Variants in DMD observed in about 807,000 individuals in gnomAD.
DMD encodes the protein mutant dystrophin.
A neutral mutation model predicts 330.1 loss-of-function variants in DMD; 63 were observed. That is an observed-to-expected ratio of 0.19 (90% CI 0.16 to 0.24). DMD has a LOEUF of 0.24. DMD is among the 10% of genes least tolerant of loss of function. The pLI is 1.00. For missense variants in DMD, 3,344 were observed against 2,684.1 expected, an observed-to-expected ratio of 1.25 and a Z score of -5.43; for synonymous variants, 1,223 against 959.8, an observed-to-expected ratio of 1.27 and a Z score of -5.07.
chrX:31,750,046 T>C (rs1319284557), intron 51 of DMD, among the ~76,000 whole-genome samples: 8 of 110,619 alleles, frequency 7.2e-5, no homozygotes, highest in East Asian at 5.7e-4. Flanking sequence ...GGATATTAGC[T>C]CTTTGTCAGA....
chrX:33,336,141 T>C (rs2054250306), intron 1 of DMD, among the ~76,000 whole-genome samples: 1 of 110,782 alleles, frequency 9.0e-6, no homozygotes, highest in African/African-American at 3.3e-5. Flanking sequence ...ACAATCTAAT[T>C]ATGGACTTTC....
intron 32 of DMD, among the ~76,000 whole-genome samples, chrX:32,386,852 T>C (rs1394656664): frequency 9.1e-6 from 1 of 110,364 alleles, no homozygotes; most frequent in Non-Finnish European, 1.9e-5. Context: ...ATTAATTCAC[T>C]CCTACATCGG....
intron 62 of DMD, among the ~76,000 whole-genome samples, chrX:31,284,799 T>A (rs987588190): frequency 9.5e-5 from 10 of 105,270 alleles, no homozygotes; most frequent in African/African-American, 3.6e-4. Flanking sequence ...AGATAATGCT[T>A]CCTTAAAGAT....
At chrX:31,343,266 C>T (rs1471194431) in intron 61 of DMD, among the ~76,000 whole-genome samples, 1 of 110,340 alleles carries the variant, frequency 9.1e-6, no homozygotes. Context: ...AAATTATATA[C>T]ATATTTGAAG....
At chrX:32,866,269 A>G (rs1247470899) in intron 2 of DMD, among the ~76,000 whole-genome samples, 2 of 112,116 alleles carry the variant, frequency 1.8e-5, no homozygotes, top group Admixed American at 1.9e-4. Context: ...CACACGAGTA[A>G]TCCTAGCAGT....
chrX:31,310,133 T>C (rs2055354452), intron 62 of DMD, among the ~76,000 whole-genome samples: 1 of 109,193 alleles, frequency 9.2e-6, no homozygotes, highest in African/African-American at 3.3e-5. Flanking sequence ...GTCACAGACC[T>C]GCTGTTAATA....
chrX:31,929,539 C>T, intron 47 of DMD, 57 bp downstream of exon 47: 1 of 1,183,578 alleles, frequency 8.4e-7, no homozygotes, highest in South Asian at 1.8e-5. Flanking sequence ...AAACAAAATA[C>T]ATACAAATAC....
intron 16 of DMD, among the ~76,000 whole-genome samples, chrX:32,553,357 A>C (rs968866008): frequency 9.0e-6 from 1 of 111,298 alleles, no homozygotes; most frequent in Non-Finnish European, 1.9e-5. Flanking sequence ...GGAGATAAAC[A>C]TTGAGAACAC....
intron 11 of DMD, among the ~76,000 whole-genome samples, chrX:32,640,623 A>T (rs2059389260): frequency 9.0e-6 from 1 of 111,366 alleles, no homozygotes; most frequent in South Asian, 3.8e-4. Context: ...AAAGGAAAAA[A>T]AAATAGGAAC....
chrX:32,382,340 A>C (rs1219911566), intron 33 of DMD, among the ~76,000 whole-genome samples: 1 of 82,749 alleles, frequency 1.2e-5, no homozygotes, highest in Non-Finnish European at 2.3e-5. Context: ...TGACTGATAC[A>C]TATATTTATG....
intron 1 of DMD, among the ~76,000 whole-genome samples, chrX:33,044,899 T>C (rs376718947): frequency 8.9e-6 from 1 of 112,141 alleles, no homozygotes; most frequent in South Asian, 3.7e-4. Context: ...AAATATGCCT[T>C]ATTTGGTTAT....
intron 44 of DMD, among the ~76,000 whole-genome samples, chrX:32,148,079 G>T: frequency 9.1e-6 from 1 of 109,538 alleles, no homozygotes. Flanking sequence ...GGGTTTCACC[G>T]TGTTCGCCAG....
intron 18 of DMD, among the ~76,000 whole-genome samples, chrX:32,510,683 T>A (rs1457580697): frequency 9.0e-6 from 1 of 111,497 alleles, no homozygotes; most frequent in Non-Finnish European, 1.9e-5. Flanking sequence ...AAAGTGCAAA[T>A]TCATAACGAA....
chrX:32,678,424 G>A (rs182395512), intron 9 of DMD, among the ~76,000 whole-genome samples: 202 of 111,452 alleles, frequency 1.8e-3, no homozygotes, highest in African/African-American at 6.1e-3. Flanking sequence ...TATACCTTAA[G>A]TCACACATTT....
intron 23 of DMD, among the ~76,000 whole-genome samples, chrX:32,467,332 T>C (rs936197418): frequency 9.0e-6 from 1 of 111,144 alleles, no homozygotes; most frequent in Non-Finnish European, 1.9e-5. Flanking sequence ...ACTTACCTTA[T>C]TGAATATTTT....
intron 55 of DMD, among the ~76,000 whole-genome samples, chrX:31,610,286 T>C (rs1438394136): frequency 8.9e-6 from 1 of 112,257 alleles, no homozygotes; most frequent in Non-Finnish European, 1.9e-5. Flanking sequence ...TAAAATAATC[T>C]TCTTTGCTAG....
At chrX:33,270,590 G>A (rs1296480806) in intron 1 of DMD, among the ~76,000 whole-genome samples, 1 of 111,792 alleles carries the variant, frequency 8.9e-6, no homozygotes, top group Non-Finnish European at 1.9e-5. Flanking sequence ...AGTAGGGAAC[G>A]CCTCAGCTTA....
At chrX:31,565,254 T>C (rs2075405322) in intron 55 of DMD, among the ~76,000 whole-genome samples, 1 of 111,210 alleles carries the variant, frequency 9.0e-6, no homozygotes, top group Non-Finnish European at 1.9e-5. Flanking sequence ...GGATGCCTCC[T>C]GTGTTGCCCT....
At chrX:31,450,237 T>C (rs1017870261) in intron 59 of DMD, among the ~76,000 whole-genome samples, 1 of 111,951 alleles carries the variant, frequency 8.9e-6, no homozygotes, top group Non-Finnish European at 1.9e-5. Context: ...TAGTACTTAT[T>C]CCGGGGCTCT....
Sources: allele counts gnomAD v4.1 joint callset (sites outside exome capture counted in the v4.1 genomes callset), GRCh38; gene constraint gnomAD v4.1.1; transcripts MANE v1.5; gene names NCBI Gene and HGNC (gene_info 2026-07-23, HGNC 2026-07-21).